BTBD9: variants seen among roughly 807,000 people sequenced by gnomAD.
The protein encoded by BTBD9 is BTB/POZ domain-containing protein 9.
In BTBD9, 49 loss-of-function variants were observed where a neutral mutation model predicts 64.3. The ratio of observed to expected loss-of-function variants is 0.76; its 90% CI spans 0.61 to 0.97. BTBD9 has a LOEUF of 0.97. Among genes scored for constraint, BTBD9 ranks in the 50% least tolerant of loss-of-function variants. BTBD9 has a pLI of 0.00. For missense variants in BTBD9, 598 were observed against 762.1 expected (o/e 0.78, Z 2.53); for synonymous variants, 260 against 274.7 (o/e 0.95, Z 0.53).
chr6:38,473,253 G>A (rs937211544), intron 6 of BTBD9, among the ~76,000 whole-genome samples: 2 of 152,112 alleles, frequency 1.3e-5, no homozygotes, highest in African/African-American at 4.8e-5. Flanking sequence ...AATGGGCTCT[G>A]GAACCTCAAT....
At chr6:38,528,716 G>A (rs564140658) in intron 6 of BTBD9, among the ~76,000 whole-genome samples, 87 of 152,258 alleles carry the variant, frequency 5.7e-4, no homozygotes, top group African/African-American at 2.0e-3. Flanking sequence ...CCCAGTCCTG[G>A]CAGAATTCAT....
chr6:38,598,530 G>C (rs6903078), intron 1 of BTBD9, among the ~76,000 whole-genome samples: 1 of 152,160 alleles, frequency 6.6e-6, no homozygotes, highest in African/African-American at 2.4e-5. Context: ...TTCAGGCACC[G>C]ATCTAGGCCT....
chr6:38,174,878 G>A lies in BTBD9; in HGVS notation c.*107C>T. On this transcript the variant is annotated 3_prime_UTR_variant, in exon 11 of 11. Transcript: ENST00000481247. ...TTTGCAGCTAGGTCGGCTCCTCCCT[G>A]GAAAGGGGCAGAGGTGGGGGCAGTC... 1 of 1,363,268 alleles carries A rather than the reference G, an allele frequency of 7.3e-7. No individual in the cohort carries two copies. The highest frequency in any genetic ancestry group is 1.0e-6 in the Non-Finnish European group (1 of 995,740). 84.4% of individuals were successfully genotyped at this position (1,363,268 alleles called of 1,614,324 possible). A position where few individuals can be genotyped will look rare whatever the true frequency, so the allele number is the denominator to read the frequency against.
chr6:38,593,948 T>C lies in BTBD9; in HGVS notation c.549+16A>G. On this transcript the variant is annotated intron_variant, in intron 3 of 10. Coordinates refer to ENST00000481247, the MANE Select transcript of BTBD9 (RefSeq NM_001099272.2). ...ACAATGCATGCCTATAAATTACTTG[T>C]AGACAAATGACACACCTTAGAAAGG... is the stretch of plus-strand genomic sequence containing the variant. 1 of 1,596,880 alleles carries C rather than the reference T, an allele frequency of 6.3e-7. No homozygotes were observed. Among genetic ancestry groups the C allele is most frequent in the Non-Finnish European group, 8.5e-7 (1 of 1,170,116 alleles).
chr6:38,594,383 A>G (rs778096468), intron 2 of BTBD9, 56 bp from the exon 3 acceptor site: 1 of 1,508,468 alleles, frequency 6.6e-7, no homozygotes, highest in East Asian at 2.3e-5. Flanking sequence ...TTGCTACAAA[A>G]TATTGGAAAT....
intron 6 of BTBD9, among the ~76,000 whole-genome samples, chr6:38,527,315 C>A (rs1311998757): frequency 7.3e-6 from 1 of 136,814 alleles, no homozygotes. Flanking sequence ...TTGGTGGGGG[C>A]CAGGGCAGAA....
intron 6 of BTBD9, among the ~76,000 whole-genome samples, chr6:38,382,307 T>C (rs1765970667): frequency 1.3e-5 from 2 of 152,246 alleles, no homozygotes; most frequent in Admixed American, 6.5e-5. Flanking sequence ...GATTTTGACC[T>C]ACCTGGTAGC....
At chr6:38,271,121 A>T (rs1215820732) in intron 8 of BTBD9, among the ~76,000 whole-genome samples, 13 of 152,320 alleles carry the variant, frequency 8.5e-5, no homozygotes, top group African/African-American at 2.9e-4. Context: ...ACCAATATTT[A>T]AAAAAATATT....
At chr6:38,316,383 TTC>T (rs1763029551) in intron 7 of BTBD9, among the ~76,000 whole-genome samples, 1 of 152,192 alleles carries the variant, frequency 6.6e-6, no homozygotes, top group South Asian at 2.1e-4. Flanking sequence ...TTCTCTTGCT[TTC>T]TGTCATCTTT....
At chr6:38,374,999 A>G (rs1371885169) in intron 6 of BTBD9, among the ~76,000 whole-genome samples, 1 of 152,202 alleles carries the variant, frequency 6.6e-6, no homozygotes, top group Non-Finnish European at 1.5e-5. Context: ...TGTCTTTCAT[A>G]TGTTTCTGTC....
intron 7 of BTBD9, among the ~76,000 whole-genome samples, chr6:38,311,930 C>T (rs1200074023): frequency 1.3e-5 from 2 of 152,000 alleles, no homozygotes; most frequent in East Asian, 1.9e-4. Context: ...GGCGCGATCT[C>T]GACTCACTGG....
intron 4 of BTBD9, chr6:38,587,892 T>A (rs1006155772): frequency 1.4e-6 from 1 of 723,190 alleles, no homozygotes; most frequent in Non-Finnish European, 2.6e-6. Context: ...GCATTTGGCT[T>A]AACAGATGAT....
At position 38,425,022 on chromosome 6, in the gene BTBD9, G is replaced by C. The variant is rs1200444510; in HGVS notation, c.1155-79929C>G. The stretch of plus-strand genomic sequence containing the variant: ...AATTTTGTATTCTTAGTAGAGACAG[G>C]GCTTCACTATGTTGAACAGGCTGGT... On this transcript the variant is annotated intron_variant, in intron 6 of 10. Coordinates refer to ENST00000481247, the MANE Select transcript of BTBD9 (RefSeq NM_001099272.2). 1.3e-5 allele frequency among the ~76,000 whole-genome samples: 2 copies of C among 151,234 alleles called. 1 individual carries two copies. Among genetic ancestry groups the C allele is most frequent in the African/African-American group, 4.9e-5 (2 of 40,860 alleles).
intron 1 of BTBD9, among the ~76,000 whole-genome samples, chr6:38,630,950 C>T (rs1387132926): frequency 6.6e-6 from 1 of 152,104 alleles, no homozygotes; most frequent in Non-Finnish European, 1.5e-5. Flanking sequence ...GAAACACGTG[C>T]CTTCAGACAG....
rs11313452 is a variant in BTBD9 at position 38,442,661 on chromosome 6, C to CTTTTTT, written c.1155-97574_1155-97569dup. Among the ~76,000 whole-genome samples the CTTTTTT allele has an allele frequency of 9.7e-4, 56 of 57,548 alleles. 1 individual carries two copies. Among genetic ancestry groups the CTTTTTT allele is most frequent in the Non-Finnish European group, 1.1e-3 (37 of 32,838 alleles). 37.8% of individuals were successfully genotyped at this position (57,548 alleles called of 152,430 possible). Reference sequence around the variant, plus strand: ...CATATAGAACAGACTCATTTGTACTCTTTTTTTTTTTTTTTTTTTTTTTTT... The same window carrying CTTTTTT: ...CATATAGAACAGACTCATTTGTACTCTTTTTTTTTTTTTTTTTTTTTTTTTTTTTTT... On this transcript the variant is annotated intron_variant, in intron 6 of 10. Transcript: ENST00000481247.
intron 6 of BTBD9, among the ~76,000 whole-genome samples, chr6:38,383,980 T>C (rs1766049118): frequency 6.6e-6 from 1 of 151,962 alleles, no homozygotes; most frequent in South Asian, 2.1e-4. Flanking sequence ...ACAAGCTGCA[T>C]GGGAATACGC....
At chr6:38,515,961 T>C (rs545830535) in intron 6 of BTBD9, among the ~76,000 whole-genome samples, 2 of 152,370 alleles carry the variant, frequency 1.3e-5, no homozygotes, top group Admixed American at 1.3e-4. Flanking sequence ...ATAGTCACTC[T>C]GTACAGAGAC....
At chr6:38,576,075 T>C (rs1175867266) in intron 6 of BTBD9, among the ~76,000 whole-genome samples, 1 of 152,204 alleles carries the variant, frequency 6.6e-6, no homozygotes. Context: ...TAATGATTTG[T>C]TCTGGGAGTC....
At chr6:38,283,007 G>A (rs1308977026) in intron 8 of BTBD9, among the ~76,000 whole-genome samples, 2 of 152,188 alleles carry the variant, frequency 1.3e-5, no homozygotes, top group African/African-American at 4.8e-5. Flanking sequence ...GCCTACAATA[G>A]TGCCTAGCAC....
Sources: gnomAD v4.1 joint callset for allele counts (sites outside exome capture counted in the v4.1 genomes callset) on GRCh38, gnomAD v4.1.1 for gene constraint, MANE v1.5 for transcripts, NCBI Gene and HGNC (gene_info 2026-07-23, HGNC 2026-07-21) for gene names.